The following IFT43 variants were observed in gnomAD, a reference collection of about 807,000 sequenced individuals.
The protein encoded by IFT43 is intraflagellar transport protein 43 homolog.
IFT43 carries 33 observed loss-of-function variants against 32.3 expected under a neutral mutation model. The observed-to-expected ratio is 1.02, with a 90% CI of 0.77 to 1.37. The LOEUF is 1.37. Ranked by LOEUF, IFT43 falls within the 40% of genes most tolerant of loss-of-function variation. The pLI is 0.00. For synonymous variants in IFT43, 93 were observed against 98.2 expected, an observed-to-expected ratio of 0.95 and a Z score of 0.31; for missense variants, 274 against 265.9, an observed-to-expected ratio of 1.03 and a Z score of -0.21.
At chr14:76,052,236 T>C (rs1339874085) in intron 3 of IFT43, among the ~76,000 whole-genome samples, 4 of 152,254 alleles carry the variant, frequency 2.6e-5, no homozygotes, top group South Asian at 2.1e-4. Flanking sequence ...GCATCCTGGC[T>C]GTTCTCTGAG....
intron 3 of IFT43, among the ~76,000 whole-genome samples, chr14:76,028,822 GTA>G (rs113882872): frequency 1.5e-4 from 23 of 151,880 alleles, no homozygotes; most frequent in Non-Finnish European, 2.7e-4. Context: ...GTATTCTATG[GTA>G]TATATATATA....
chr14:75,986,910 G>T (rs1440507937), intron 1 of IFT43, among the ~76,000 whole-genome samples: 2 of 152,136 alleles, frequency 1.3e-5, no homozygotes. Flanking sequence ...TATTTATTGA[G>T]CCCCTACTGT....
At chr14:76,065,161 A>C (rs1024908156) in intron 5 of IFT43, among the ~76,000 whole-genome samples, 3 of 152,166 alleles carry the variant, frequency 2.0e-5, no homozygotes, top group African/African-American at 7.2e-5. Context: ...ATTATTATAT[A>C]AAATAACAGG....
intron 5 of IFT43, 108 bp downstream of exon 5, chr14:76,059,481 A>C: frequency 1.8e-6 from 2 of 1,089,976 alleles, no homozygotes; most frequent in Non-Finnish European, 1.4e-6. Flanking sequence ...AGACATTTGC[A>C]GTGGTCTTCT....
intron 5 of IFT43, among the ~76,000 whole-genome samples, chr14:76,062,501 G>A (rs1363852236): frequency 6.6e-6 from 1 of 152,088 alleles, no homozygotes; most frequent in Non-Finnish European, 1.5e-5. Context: ...TTACAGTCTG[G>A]ATAAACCCAT....
intron 2 of IFT43, among the ~76,000 whole-genome samples, chr14:75,999,277 A>G (rs1310305777): frequency 5.3e-5 from 1 of 18,712 alleles, no homozygotes; most frequent in African/African-American, 1.9e-4. Flanking sequence ...ATATATGTAT[A>G]TATATTTTTT....
At chr14:76,059,781 T>G (rs1342331981) in intron 5 of IFT43, among the ~76,000 whole-genome samples, 1 of 152,202 alleles carries the variant, frequency 6.6e-6, no homozygotes, top group Non-Finnish European at 1.5e-5. Context: ...TGTTAAAGCA[T>G]TTTCTCTCAC....
At chr14:76,041,751 T>G (rs2360668) in intron 3 of IFT43, among the ~76,000 whole-genome samples, 2 of 4,326 alleles carry the variant, frequency 4.6e-4, no homozygotes, top group African/African-American at 1.5e-3. Context: ...AAAGTCTGTG[T>G]TTTTTTTTTA....
intron 3 of IFT43, among the ~76,000 whole-genome samples, chr14:76,025,885 T>G (rs1359244242): frequency 6.6e-6 from 1 of 152,046 alleles, no homozygotes; most frequent in African/African-American, 2.4e-5. Context: ...GGACATAGGA[T>G]TGGGCAAAGA....
intron 2 of IFT43, among the ~76,000 whole-genome samples, chr14:75,999,991 G>A (rs1426186709): frequency 6.6e-6 from 1 of 152,236 alleles, no homozygotes; most frequent in African/African-American, 2.4e-5. Context: ...TTGGCAGGGA[G>A]ATCGCTGGGA....
chr14:75,988,835 G>A (rs368079234), intron 1 of IFT43, 50 bp from the exon 2 acceptor site: 16 of 1,612,378 alleles, frequency 9.9e-6, no homozygotes, highest in Non-Finnish European at 1.4e-5. Context: ...CATCTCAGTA[G>A]TGGCCCAAAT....
At chr14:76,041,119 C>T (rs1032539915) in intron 3 of IFT43, among the ~76,000 whole-genome samples, 17 of 152,330 alleles carry the variant, frequency 1.1e-4, no homozygotes, top group African/African-American at 4.1e-4. Flanking sequence ...TGAAGCTACC[C>T]TTGACCTTTG....
chr14:76,076,378 C>G (rs1431703547), intron 5 of IFT43, among the ~76,000 whole-genome samples: 2 of 152,172 alleles, frequency 1.3e-5, no homozygotes, highest in Non-Finnish European at 2.9e-5. Context: ...CAGAAATCCC[C>G]AACCAAGAAA....
intron 2 of IFT43, among the ~76,000 whole-genome samples, chr14:76,004,766 G>A (rs911221318): frequency 6.6e-6 from 1 of 151,926 alleles, no homozygotes; most frequent in African/African-American, 2.4e-5. Context: ...CCTTCAGATT[G>A]GGTATTTTCT....
intron 5 of IFT43, among the ~76,000 whole-genome samples, chr14:76,078,235 G>A (rs1299497774): frequency 6.6e-6 from 1 of 152,196 alleles, no homozygotes; most frequent in African/African-American, 2.4e-5. Context: ...GGGTCTCACG[G>A]AAGGGACATT....
intron 2 of IFT43, among the ~76,000 whole-genome samples, chr14:75,991,256 G>C (rs923008859): frequency 6.6e-6 from 1 of 151,896 alleles, no homozygotes; most frequent in African/African-American, 2.4e-5. Context: ...GCTTGAACCC[G>C]GGAGGCGGAG....
intron 3 of IFT43, among the ~76,000 whole-genome samples, chr14:76,057,994 C>A (rs1451276347): frequency 2.6e-5 from 4 of 152,184 alleles, no homozygotes. Flanking sequence ...CCCCACCCAC[C>A]CAGACCAGCT....
intron 5 of IFT43, among the ~76,000 whole-genome samples, chr14:76,061,632 T>C (rs1376935560): frequency 6.6e-6 from 1 of 152,234 alleles, no homozygotes; most frequent in East Asian, 1.9e-4. Context: ...TTTCACATAT[T>C]TTTTTCAGTT....
chr14:76,083,456 A>G lies in IFT43; in HGVS notation c.508-2A>G. 6.2e-7 allele frequency: 1 copy of G among 1,614,176 alleles called. No individual in the cohort carries two copies. The highest frequency in any genetic ancestry group is 8.5e-7 in the Non-Finnish European group (1 of 1,180,040). On this transcript the variant is annotated splice_acceptor_variant, in intron 8 of 8. Transcript: ENST00000314067. LOFTEE classifies it high-confidence loss of function. Reference sequence around the variant, plus strand: ...CTTACCCAGCGAAACCCTTCTTGGCAGGATGATGTCGGCTGGGACTGGGAC... The same window carrying G: ...CTTACCCAGCGAAACCCTTCTTGGCGGGATGATGTCGGCTGGGACTGGGAC...
Sources: allele counts gnomAD v4.1 joint callset (sites outside exome capture counted in the v4.1 genomes callset), GRCh38; gene constraint gnomAD v4.1.1; transcripts MANE v1.5; gene names NCBI Gene and HGNC (gene_info 2026-07-23, HGNC 2026-07-21).